Variants in TMEFF1 observed in about 807,000 individuals in gnomAD.
TMEFF1 encodes tomoregulin-1.
A neutral mutation model predicts 47.5 loss-of-function variants in TMEFF1; 20 were observed. That is an observed-to-expected ratio of 0.42 (90% CI 0.30 to 0.61). The LOEUF (loss-of-function observed/expected upper bound fraction) is 0.61, where lower values mean the gene tolerates loss of function less well. Ranked by LOEUF, TMEFF1 falls within the 20% of genes least tolerant of loss-of-function variation. The pLI is 0.19. For missense variants in TMEFF1, 411 were observed against 471.1 expected (o/e 0.87, Z 1.18); for synonymous variants, 162 against 166.3 (o/e 0.97, Z 0.20).
intron 4 of TMEFF1, among the ~76,000 whole-genome samples, chr9:100,515,811 CA>C (rs575964606): frequency 5.5e-5 from 8 of 146,534 alleles, no homozygotes; most frequent in Admixed American, 6.8e-5. Flanking sequence ...AACAAACAAA[CA>C]AAAAAAAAAG....
At chr9:100,488,174 C>A (rs11793014) in intron 1 of TMEFF1, among the ~76,000 whole-genome samples, 37,051 of 151,870 alleles carry the variant, frequency 0.24, 5,130 homozygotes, top group African/African-American at 0.37. Flanking sequence ...ATATGTAAAC[C>A]GGCATATGTT....
intron 4 of TMEFF1, among the ~76,000 whole-genome samples, chr9:100,513,549 A>G (rs1838006975): frequency 1.3e-5 from 2 of 152,140 alleles, no homozygotes; most frequent in Non-Finnish European, 2.9e-5. Context: ...AGTCACTCTT[A>G]GAACATTTTA....
intron 5 of TMEFF1, among the ~76,000 whole-genome samples, chr9:100,527,646 C>T (rs529716194): frequency 2.4e-4 from 37 of 152,196 alleles, no homozygotes; most frequent in African/African-American, 7.5e-4. Context: ...AACTGCAAGG[C>T]GGCAGCGAGG....
intron 5 of TMEFF1, among the ~76,000 whole-genome samples, chr9:100,530,045 C>T (rs528804253): frequency 4.0e-4 from 61 of 151,796 alleles, no homozygotes; most frequent in Admixed American, 1.1e-3. Flanking sequence ...TTGAAACCAA[C>T]GAGAACAAAG....
chr9:100,476,017 T>C (rs1442939066), intron 1 of TMEFF1, among the ~76,000 whole-genome samples: 1 of 152,182 alleles, frequency 6.6e-6, no homozygotes, highest in Non-Finnish European at 1.5e-5. Context: ...TTAATTTCTC[T>C]TAGTTTCCAT....
chr9:100,491,093 A>G (rs1837544880), intron 1 of TMEFF1, among the ~76,000 whole-genome samples: 2 of 152,098 alleles, frequency 1.3e-5, no homozygotes, highest in South Asian at 4.1e-4. Flanking sequence ...TCCATATTCT[A>G]TAATATACAT....
At chr9:100,490,461 A>T (rs1224088231) in intron 1 of TMEFF1, among the ~76,000 whole-genome samples, 1 of 152,200 alleles carries the variant, frequency 6.6e-6, no homozygotes, top group Non-Finnish European at 1.5e-5. Context: ...TGCCCCTCAG[A>T]TTGGTTGGGA....
rs541865106 is a variant in TMEFF1 at position 100,543,809 on chromosome 9, G to T, written c.561-3935G>T. Among the ~76,000 whole-genome samples the T allele has an allele frequency of 8.6e-5, 13 of 151,984 alleles. No homozygotes were observed. The South Asian group carries it at 2.7e-3, about 32-fold the overall frequency. On this transcript the variant is annotated intron_variant, in intron 5 of 9. Transcript: ENST00000374879. ...GTTGGGCTGCATTCAAAGCCATCCTGGGCTGTGGGTTGGACAAGCTTGGCC... is the reference window on the plus strand; with the variant it reads ...GTTGGGCTGCATTCAAAGCCATCCTTGGCTGTGGGTTGGACAAGCTTGGCC...
intron 7 of TMEFF1, 129 bp from the exon 8 acceptor site, chr9:100,561,268 T>A (rs530190128): frequency 6.8e-7 from 1 of 1,480,336 alleles, no homozygotes; most frequent in East Asian, 2.3e-5. Flanking sequence ...ATCTGATAAA[T>A]TTTCTTTTCA....
intron 2 of TMEFF1, among the ~76,000 whole-genome samples, chr9:100,505,431 A>C (rs967480551): frequency 4.0e-5 from 6 of 150,478 alleles, no homozygotes; most frequent in South Asian, 4.2e-4. Flanking sequence ...AAAAAAAAAA[A>C]AAAAAAAAAA....
At chr9:100,533,188 T>G (rs1049138073) in intron 5 of TMEFF1, among the ~76,000 whole-genome samples, 1 of 151,854 alleles carries the variant, frequency 6.6e-6, no homozygotes, top group African/African-American at 2.4e-5. Context: ...TGTATACATA[T>G]GCAACTAACC....
At chr9:100,561,552 A>AT (rs749603688) in intron 8 of TMEFF1, 32 bp downstream of exon 8, 25 of 1,586,384 alleles carry the variant, frequency 1.6e-5, no homozygotes, top group South Asian at 5.8e-5. Context: ...AGTGGTGAGC[A>AT]TTTTTTTTCA....
intron 5 of TMEFF1, among the ~76,000 whole-genome samples, chr9:100,541,043 T>C (rs567952294): frequency 2.0e-5 from 3 of 152,330 alleles, no homozygotes; most frequent in African/African-American, 7.2e-5. Context: ...TTATTTCAAA[T>C]TCCTCAGTCT....
chr9:100,474,469 A>AG (rs1388481212), intron 1 of TMEFF1, among the ~76,000 whole-genome samples: 1 of 151,792 alleles, frequency 6.6e-6, no homozygotes, highest in Non-Finnish European at 1.5e-5. Context: ...TTGTGTGTGA[A>AG]GCCTGGGGCT....
chr9:100,530,986 C>T (rs914268169), intron 5 of TMEFF1, among the ~76,000 whole-genome samples: 8 of 151,526 alleles, frequency 5.3e-5, no homozygotes, highest in African/African-American at 1.7e-4. Flanking sequence ...AGACAAAAAC[C>T]ACATGATTAT....
intron 5 of TMEFF1, among the ~76,000 whole-genome samples, chr9:100,534,346 G>C (rs1838463391): frequency 6.6e-6 from 1 of 152,068 alleles, no homozygotes; most frequent in Non-Finnish European, 1.5e-5. Flanking sequence ...TTTCTGTATT[G>C]ATAATTTAGA....
chr9:100,576,261 A>G (rs890735913), intron 9 of TMEFF1, among the ~76,000 whole-genome samples: 1 of 152,128 alleles, frequency 6.6e-6, no homozygotes, highest in Non-Finnish European at 1.5e-5. Flanking sequence ...GACACTGGTA[A>G]TGAGTTTTGC....
chr9:100,483,457 G>A (rs1352825057), intron 1 of TMEFF1, among the ~76,000 whole-genome samples: 5 of 152,050 alleles, frequency 3.3e-5, no homozygotes, highest in South Asian at 4.1e-4. Flanking sequence ...AGATCGCACC[G>A]TTGCACTCCA....
intron 1 of TMEFF1, among the ~76,000 whole-genome samples, chr9:100,494,626 TGAA>T (rs1326101166): frequency 6.6e-6 from 1 of 152,016 alleles, no homozygotes; most frequent in African/African-American, 2.4e-5. Flanking sequence ...AGAGGAAGAA[TGAA>T]GGAGGAAGGG....
Sources: gnomAD v4.1 joint callset for allele counts (sites outside exome capture counted in the v4.1 genomes callset) on GRCh38, gnomAD v4.1.1 for gene constraint, MANE v1.5 for transcripts, NCBI Gene and HGNC (gene_info 2026-07-23, HGNC 2026-07-21) for gene names.